OSBPL8: variants seen among roughly 807,000 people sequenced by gnomAD.
OSBPL8 encodes the protein oxysterol-binding protein-related protein 8.
Under a neutral mutation model 125.5 loss-of-function variants are expected in OSBPL8, and 59 were observed. The observed-to-expected ratio is 0.47, with a 90% CI of 0.38 to 0.58. OSBPL8 has a LOEUF of 0.58. Among genes scored for constraint, OSBPL8 ranks in the 20% least tolerant of loss-of-function variants. OSBPL8 has a pLI of 0.00. For missense variants in OSBPL8, 758 were observed against 1,047.8 expected, an observed-to-expected ratio of 0.72 and a Z score of 3.82; for synonymous variants, 330 against 338.9, an observed-to-expected ratio of 0.97 and a Z score of 0.29.
chr12:76,551,709 T>C (rs905933717), intron 1 of OSBPL8, among the ~76,000 whole-genome samples: 17 of 152,164 alleles, frequency 1.1e-4, no homozygotes, highest in African/African-American at 4.1e-4. Flanking sequence ...CACATGCTGA[T>C]GAATATGTTG....
At chr12:76,443,774 T>G (rs1288610539) in intron 4 of OSBPL8, among the ~76,000 whole-genome samples, 1 of 152,202 alleles carries the variant, frequency 6.6e-6, no homozygotes, top group Non-Finnish European at 1.5e-5. Context: ...CCCAAAGTTC[T>G]GCTATTATAG....
intron 5 of OSBPL8, 56 bp downstream of exon 5, chr12:76,410,483 TTCATAGGATTTCAGTGTTAGTTCCC>T (rs1026374659): frequency 2.0e-6 from 2 of 1,024,472 alleles, no homozygotes; most frequent in African/African-American, 1.6e-5. Context: ...ACAAAAAAGC[TTCATAGGATTTCAGTGTTAGTTCCC>T]TCATCTCAAA....
At chr12:76,428,143 T>G (rs760117722) in intron 4 of OSBPL8, among the ~76,000 whole-genome samples, 1 of 152,072 alleles carries the variant, frequency 6.6e-6, no homozygotes, top group Non-Finnish European at 1.5e-5. Context: ...TATTGCCACC[T>G]TGCCACTGAA....
At chr12:76,411,259 T>C (rs1954503247) in intron 4 of OSBPL8, among the ~76,000 whole-genome samples, 1 of 152,162 alleles carries the variant, frequency 6.6e-6, no homozygotes. Flanking sequence ...CACTTTAATA[T>C]AGCACTATGC....
rs115934281 is a variant in OSBPL8 at position 76,491,319 on chromosome 12, G to A, written c.-67-3701C>T. On this transcript the variant is annotated intron_variant, in intron 1 of 23. Coordinates refer to ENST00000261183, the MANE Select transcript of OSBPL8 (RefSeq NM_020841.5). Reference sequence around the variant, plus strand: ...GTAACTATAAATATTCAGAGGTCTCGGATAACCTCTCTAACAATTATTCCT... The same window carrying A: ...GTAACTATAAATATTCAGAGGTCTCAGATAACCTCTCTAACAATTATTCCT... Among the ~76,000 whole-genome samples the A allele has an allele frequency of 9.7e-3, 1,478 of 152,114 alleles. 29 individuals are homozygous for A. The highest frequency in any genetic ancestry group is 0.034 in the African/African-American group (1,407 of 41,450).
In OSBPL8 at chr12:76,364,936, A is replaced by C. The variant is rs926226826; in HGVS notation, c.2328+4278T>G. 5.3e-5 allele frequency among the ~76,000 whole-genome samples: 8 copies of C among 152,178 alleles called. No homozygotes were observed. In the South Asian group the frequency reaches 1.7e-3, roughly 32 times the overall value. ...TGGAATATTGACATGGATTGTGGCGAATCTGTAGGTTGCTTTTAGTAGTAC... is the reference window on the plus strand; with the variant it reads ...TGGAATATTGACATGGATTGTGGCGCATCTGTAGGTTGCTTTTAGTAGTAC... On this transcript the variant is annotated intron_variant, in intron 21 of 23. Coordinates refer to ENST00000261183, the MANE Select transcript of OSBPL8 (RefSeq NM_020841.5).
chr12:76,388,882 T>C (rs1953436772), intron 12 of OSBPL8, among the ~76,000 whole-genome samples: 1 of 152,174 alleles, frequency 6.6e-6, no homozygotes, highest in South Asian at 2.1e-4. Context: ...CTCATGCCAT[T>C]TATAGACAAA....
intron 4 of OSBPL8, among the ~76,000 whole-genome samples, chr12:76,435,167 TGTG>T (rs1871301036): frequency 6.7e-6 from 1 of 150,236 alleles, no homozygotes; most frequent in Non-Finnish European, 1.5e-5. Context: ...TGTGTGTGTG[TGTG>T]TGTGTGTGTG....
intron 2 of OSBPL8, among the ~76,000 whole-genome samples, chr12:76,485,804 A>G (rs192861694): frequency 2.4e-4 from 37 of 152,310 alleles, no homozygotes; most frequent in African/African-American, 8.4e-4. Context: ...GGATAAACAA[A>G]TATCTACCTT....
At chr12:76,512,868 T>C (rs1881141758) in intron 1 of OSBPL8, among the ~76,000 whole-genome samples, 1 of 152,222 alleles carries the variant, frequency 6.6e-6, no homozygotes, top group South Asian at 2.1e-4. Context: ...CTTTGAGCAG[T>C]GTTTTATAAT....
intron 1 of OSBPL8, among the ~76,000 whole-genome samples, chr12:76,522,441 TGG>T (rs1179095057): frequency 6.6e-6 from 1 of 152,100 alleles, no homozygotes; most frequent in African/African-American, 2.4e-5. Context: ...GTTAGGATCA[TGG>T]GGGCAGATTC....
Position 76,399,972 on chromosome 12 carries a change from T to G in OSBPL8, c.369A>C (p.Val123=). The G allele has an allele frequency of 2.5e-6, 4 of 1,593,668 alleles. No individual in the cohort carries two copies. Among genetic ancestry groups the G allele is most frequent in the Non-Finnish European group, 3.4e-6 (4 of 1,172,976 alleles). ...TTTCTTCTCGGTAATTTTTCTTTTG[T>G]ACCTATTTTATAGAAATAATAGAAA... ...SKLTKKESLK[V]QKKNYREEKK... The change falls in exon 7 of 24, where the codon GTA becomes GTC. Residue 123 remains valine, a splice_region_variant and synonymous_variant. Coordinates refer to ENST00000261183, the MANE Select transcript of OSBPL8 (RefSeq NM_020841.5).
chr12:76,418,008 AC>A (rs1384782324), intron 4 of OSBPL8, among the ~76,000 whole-genome samples: 4 of 120,776 alleles, frequency 3.3e-5, no homozygotes, highest in Non-Finnish European at 5.4e-5. Flanking sequence ...GATTTTCACT[AC>A]CTTTTTTTTT....
At chr12:76,453,068 T>C (rs1873609319) in intron 3 of OSBPL8, among the ~76,000 whole-genome samples, 2 of 152,148 alleles carry the variant, frequency 1.3e-5, no homozygotes, top group African/African-American at 4.8e-5. Context: ...CCTTACATGA[T>C]TTTCATTGTA....
chr12:76,366,361 T>C (rs182160086), intron 21 of OSBPL8, among the ~76,000 whole-genome samples: 3 of 152,330 alleles, frequency 2.0e-5, no homozygotes, highest in Admixed American at 1.3e-4. Flanking sequence ...TCTCTCATAA[T>C]CCTATTTCTT....
At chr12:76,358,613 A>G (rs1000484931) in intron 22 of OSBPL8, 93 bp downstream of exon 22, 181 of 1,131,340 alleles carry the variant, frequency 1.6e-4, no homozygotes, top group Non-Finnish European at 2.2e-4. Flanking sequence ...CAAAACTCAC[A>G]TAACTTGAGT....
intron 8 of OSBPL8, among the ~76,000 whole-genome samples, chr12:76,395,636 T>A (rs1210120827): frequency 5.5e-4 from 84 of 152,204 alleles, no homozygotes; most frequent in Non-Finnish European, 1.5e-5. Context: ...TCAGACTGCC[T>A]GGGTTTCAAT....
intron 1 of OSBPL8, among the ~76,000 whole-genome samples, chr12:76,552,622 G>A (rs1950977958): frequency 6.6e-6 from 1 of 151,910 alleles, no homozygotes. Flanking sequence ...TCATATGTGA[G>A]AACATCCAGA....
chr12:76,384,452 G>A, intron 14 of OSBPL8, 102 bp from the exon 15 acceptor site: 1 of 590,604 alleles, frequency 1.7e-6, no homozygotes, highest in Non-Finnish European at 2.6e-6. Context: ...AAAAGTTCAA[G>A]TCTTATAATG....
Sources: gnomAD v4.1 joint callset for allele counts (sites outside exome capture counted in the v4.1 genomes callset) on GRCh38, gnomAD v4.1.1 for gene constraint, MANE v1.5 for transcripts, NCBI Gene and HGNC (gene_info 2026-07-23, HGNC 2026-07-21) for gene names.